Variants in PTK2 observed in about 807,000 individuals in gnomAD.
The protein encoded by PTK2 is protein tyrosine kinase 2, also known as focal adhesion kinase 1.
In PTK2, 45 loss-of-function variants were observed where a neutral mutation model predicts 150.1. The observed-to-expected ratio is 0.30, with a 90% CI of 0.24 to 0.38. The LOEUF (loss-of-function observed/expected upper bound fraction) is 0.38, where lower values mean the gene tolerates loss of function less well. Among genes scored for constraint, PTK2 ranks in the 10% least tolerant of loss-of-function variants. The pLI is 1.00. For synonymous variants in PTK2, 432 were observed against 449.2 expected (o/e 0.96, Z 0.48); for missense variants, 919 against 1,307.3 (o/e 0.70, Z 4.58).
chr8:140,924,706 CTT>C (rs2100168817), intron 2 of PTK2, among the ~76,000 whole-genome samples: 1 of 152,096 alleles, frequency 6.6e-6, no homozygotes, highest in Non-Finnish European at 1.5e-5. Context: ...ATTATGAAAA[CTT>C]TGCTTTCTCA....
chr8:140,770,759 G>A, intron 14 of PTK2: 1 of 1,356,220 alleles, frequency 7.4e-7, no homozygotes, highest in Non-Finnish European at 9.8e-7. Flanking sequence ...AAGGGAGAAA[G>A]CGCCTAGCTT....
chr8:140,934,258 T>C (rs997832621), intron 1 of PTK2, among the ~76,000 whole-genome samples: 4 of 151,970 alleles, frequency 2.6e-5, no homozygotes, highest in African/African-American at 9.7e-5. Context: ...AATCAGTAAA[T>C]AGCACTGGGG....
chr8:140,789,492 G>T, exon 14 of PTK2: 19 of 1,613,512 alleles, frequency 1.2e-5, no homozygotes, highest in Non-Finnish European at 1.4e-5. Context: ...GAGACGGCGT[G>T]TGTCCGCATG....
At chr8:140,986,746 A>G (rs2100193385) in intron 1 of PTK2, among the ~76,000 whole-genome samples, 2 of 152,220 alleles carry the variant, frequency 1.3e-5, no homozygotes, top group Non-Finnish European at 2.9e-5. Flanking sequence ...TCAAGCCTTG[A>G]ATTCGGTTTA....
chr8:140,879,144 T>TACAC, intron 4 of PTK2: 1 of 171,874 alleles, frequency 5.8e-6, no homozygotes, highest in African/African-American at 2.4e-5. Context: ...TATATATATA[T>TACAC]ACATACACAC....
intron 12 of PTK2, among the ~76,000 whole-genome samples, chr8:140,797,986 A>G (rs1002645690): frequency 6.6e-6 from 1 of 152,128 alleles, no homozygotes; most frequent in African/African-American, 2.4e-5. Context: ...CAAAGTAACT[A>G]TGGTAGATCA....
At chr8:140,902,924 G>GTTTTTTTTTTTTTTTTTTTTTTTTTTTT (rs61261890) in intron 2 of PTK2, among the ~76,000 whole-genome samples, 1 of 58,950 alleles carries the variant, frequency 1.7e-5, no homozygotes, top group Non-Finnish European at 3.8e-5. Flanking sequence ...GATGAGAGTT[G>GTTTTTTTTTTTTTTTTTTTTTTTTTTTT]TTTTTTTTTT....
chr8:140,959,901 C>T (rs1004763996), intron 1 of PTK2, among the ~76,000 whole-genome samples: 1 of 151,528 alleles, frequency 6.6e-6, no homozygotes. Flanking sequence ...CTTTGGTCCT[C>T]GCTACTTGAA....
chr8:140,847,424 C>CA (rs1567468804), intron 5 of PTK2, among the ~76,000 whole-genome samples: 1 of 152,108 alleles, frequency 6.6e-6, no homozygotes, highest in African/African-American at 2.4e-5. Context: ...TCAATACGTG[C>CA]AAGTAACTGT....
intron 31 of PTK2, among the ~76,000 whole-genome samples, chr8:140,664,421 C>CGTA (rs1380313753): frequency 6.6e-6 from 1 of 152,218 alleles, no homozygotes; most frequent in Non-Finnish European, 1.5e-5. Flanking sequence ...CGTGAGCTAC[C>CGTA]ATGCCTGGCC....
chr8:140,998,200 T>C (rs1414165386), intron 1 of PTK2, among the ~76,000 whole-genome samples: 1 of 152,190 alleles, frequency 6.6e-6, no homozygotes, highest in Non-Finnish European at 1.5e-5. Context: ...AGAATTGATC[T>C]AGGTCTAAAT....
intron 4 of PTK2, 101 bp from the exon 5 acceptor site, chr8:140,864,500 G>C: frequency 1.8e-6 from 1 of 552,880 alleles, no homozygotes; most frequent in South Asian, 3.9e-5. Flanking sequence ...TAATTACTCT[G>C]AAAGATGATT....
chr8:140,671,092 A>G (rs1332535815), intron 29 of PTK2, among the ~76,000 whole-genome samples: 1 of 152,236 alleles, frequency 6.6e-6, no homozygotes, highest in Non-Finnish European at 1.5e-5. Context: ...GATGTAGCCA[A>G]TTCCAACCAC....
intron 10 of PTK2, among the ~76,000 whole-genome samples, chr8:140,805,113 C>T (rs2100097497): frequency 6.6e-6 from 1 of 152,164 alleles, no homozygotes; most frequent in Non-Finnish European, 1.5e-5. Context: ...AGTACCATCT[C>T]CAGCCCTGTC....
chr8:140,763,238 A>C (rs1371127019), intron 15 of PTK2, among the ~76,000 whole-genome samples: 1 of 152,220 alleles, frequency 6.6e-6, no homozygotes, highest in East Asian at 1.9e-4. Context: ...GAAAGGCAAC[A>C]CTGGGTTGTT....
intron 2 of PTK2, among the ~76,000 whole-genome samples, chr8:140,924,114 T>C (rs1422512044): frequency 6.6e-6 from 1 of 152,132 alleles, no homozygotes; most frequent in East Asian, 1.9e-4. Context: ...CTAGTTTCCT[T>C]GGCACAACCA....
rs750107476 is a variant in PTK2, at chr8:140,897,496, G to A, written c.-32-6727C>T. On this transcript the variant is annotated intron_variant, in intron 2 of 31. Coordinates refer to ENST00000522684, the Ensembl canonical transcript of PTK2. ...CATCAGGCCTTCTTCAGCTCTCTCC[G>A]GGAAGGTCTGTGTCTGATGCTGTTA... Among the ~76,000 whole-genome samples, 69 of 152,194 alleles carry A rather than the reference G, an allele frequency of 4.5e-4. 1 individual carries two copies. The highest frequency in any genetic ancestry group is 9.1e-4 in the Non-Finnish European group (62 of 68,014).
At chr8:140,835,461 G>T (rs1033352779) in intron 7 of PTK2, among the ~76,000 whole-genome samples, 2 of 152,100 alleles carry the variant, frequency 1.3e-5, no homozygotes, top group African/African-American at 4.8e-5. Flanking sequence ...AAAACTGTCA[G>T]AATTGAGTAT....
At chr8:140,701,089 T>C in intron 25 of PTK2, 67 bp from the exon 29 acceptor site, 1 of 1,487,216 alleles carries the variant, frequency 6.7e-7, no homozygotes, top group Non-Finnish European at 9.0e-7. Flanking sequence ...TACCTTGTTT[T>C]ATGTGTCTTT....
Sources: gnomAD v4.1 joint callset for allele counts (sites outside exome capture counted in the v4.1 genomes callset) on GRCh38, gnomAD v4.1.1 for gene constraint, MANE v1.5 for transcripts, NCBI Gene and HGNC (gene_info 2026-07-23, HGNC 2026-07-21) for gene names.